The following GNB5 variants were observed in gnomAD, a reference collection of about 807,000 sequenced individuals.
GNB5 encodes guanine nucleotide-binding protein subunit beta-5.
A neutral mutation model predicts 55.3 loss-of-function variants in GNB5; 37 were observed. That is an observed-to-expected ratio of 0.67 (90% confidence interval 0.51 to 0.88). The LOEUF is 0.88. Ranked by LOEUF, GNB5 falls within the 40% of genes least tolerant of loss-of-function variation. GNB5 has a pLI of 0.00. For synonymous variants in GNB5, 219 were observed against 198.5 expected, an observed-to-expected ratio of 1.10 and a Z score of -0.87; for missense variants, 476 against 515.3, an observed-to-expected ratio of 0.92 and a Z score of 0.74.
At chr15:52,128,126 T>C in intron 10 of GNB5, 70 bp downstream of exon 10, 1 of 1,000,588 alleles carries the variant, frequency 1.0e-6, no homozygotes, top group East Asian at 2.4e-5. Context: ...GAAAAATAGT[T>C]ATTTTCTTAA....
intron 3 of GNB5, among the ~76,000 whole-genome samples, chr15:52,160,491 T>C (rs2034309198): frequency 6.6e-6 from 1 of 152,144 alleles, no homozygotes. Context: ...CCATGAAAAC[T>C]AGAGATCATG....
intron 3 of GNB5, among the ~76,000 whole-genome samples, chr15:52,179,092 G>C (rs2034708297): frequency 6.6e-6 from 1 of 152,220 alleles, no homozygotes; most frequent in South Asian, 2.1e-4. Context: ...AATTACGGTG[G>C]TGGTGGTGAA....
In GNB5 at chr15:52,150,978, A is replaced by C. The variant is rs75013547; in HGVS notation, c.376-1053T>G. On this transcript the variant is annotated intron_variant, in intron 4 of 12. Coordinates refer to ENST00000261837, the MANE Select transcript of GNB5 (RefSeq NM_016194.4). The stretch of plus-strand genomic sequence containing the variant: ...GAAAACATCACTTAAGGGCAGAAGC[A>C]AGATCGGATCTGCAGTGACATAGCT... Among the ~76,000 whole-genome samples, 742 of 152,350 alleles carry C rather than the reference A, an allele frequency of 4.9e-3. 16 individuals carry two copies. The highest frequency in any genetic ancestry group is 0.026 in the Admixed American group (393 of 15,308).
intron 7 of GNB5, chr15:52,138,766 C>T (rs1219880224): frequency 1.3e-5 from 2 of 152,186 alleles, no homozygotes; most frequent in East Asian, 1.9e-4. Context: ...GCAACTACCC[C>T]AGTCTTGCTC....
At chr15:52,130,851 G>A (rs28499182) in intron 9 of GNB5, among the ~76,000 whole-genome samples, 31,166 of 152,092 alleles carry the variant, frequency 0.2, 3,681 homozygotes, top group African/African-American at 0.31. Context: ...TTTGAGAAGG[G>A]GTCTCGCTCT....
intron 5 of GNB5, among the ~76,000 whole-genome samples, chr15:52,149,044 C>T (rs951938769): frequency 1.3e-5 from 2 of 152,218 alleles, no homozygotes; most frequent in Non-Finnish European, 2.9e-5. Flanking sequence ...TAGCAAAGCC[C>T]TGTGCAGATT....
intron 8 of GNB5, among the ~76,000 whole-genome samples, chr15:52,134,910 A>G (rs2033664649): frequency 6.6e-6 from 1 of 151,964 alleles, no homozygotes; most frequent in Admixed American, 6.5e-5. Flanking sequence ...AAACTCTTCC[A>G]TCTACTGCTT....
chr15:52,184,880 T>C (rs918810521), intron 1 of GNB5, among the ~76,000 whole-genome samples, 186 bp from the exon 2 acceptor site: 2 of 152,208 alleles, frequency 1.3e-5, no homozygotes, highest in Admixed American at 1.3e-4. Flanking sequence ...ATTTAATCAG[T>C]GAGAAAGCAT....
At position 52,129,106 on chromosome 15, in the gene GNB5, C is replaced by T. The variant is rs957885195; in HGVS notation, c.864-862G>A. 9.2e-5 allele frequency among the ~76,000 whole-genome samples: 14 copies of T among 152,112 alleles called. No individual in the cohort carries two copies. In the South Asian group the frequency reaches 2.5e-3, roughly 27 times the overall value. On this transcript the variant is annotated intron_variant, in intron 9 of 12. Coordinates refer to ENST00000261837, the MANE Select transcript of GNB5 (RefSeq NM_016194.4). Reference sequence around the variant, plus strand: ...AAGTAGCTGGGATTACAGGTGTATGCCACTATGCCTGGCTAATTTTTGTAT... The same window carrying T: ...AAGTAGCTGGGATTACAGGTGTATGTCACTATGCCTGGCTAATTTTTGTAT...
chr15:52,175,750 A>AAACC (rs1014448227), intron 3 of GNB5, among the ~76,000 whole-genome samples: 1 of 149,882 alleles, frequency 6.7e-6, no homozygotes, highest in African/African-American at 2.5e-5. Context: ...AAAAACAAAC[A>AAACC]AACAAACAAA....
rs372808197 is a variant in GNB5 at position 52,179,824 on chromosome 15, G to C, written c.182C>G (p.Ala61Gly). ...NETLASLKSE[A>G]ESLKGKLEEE... ...CTCCAGCTTGCCCTTGAGGCTCTCGGCCTCGCTCTTCAGCGACGCCAGCGT... is the reference window on the plus strand; with the variant it reads ...CTCCAGCTTGCCCTTGAGGCTCTCGCCCTCGCTCTTCAGCGACGCCAGCGT... Residue 61 changes from alanine to glycine, a missense_variant, in exon 3 of 13, where the codon GCC (alanine) becomes GGC (glycine). Physicochemically the swap from Ala to Gly is moderately conservative, Grantham distance 60. Transcript: ENST00000261837. 8 of 1,554,666 alleles carry C rather than the reference G, an allele frequency of 5.1e-6. No individual in the cohort carries two copies. The highest frequency in any genetic ancestry group is 6.9e-6 in the Non-Finnish European group (8 of 1,151,836).
intron 2 of GNB5, 104 bp from the exon 3 acceptor site, chr15:52,179,983 C>A (rs1596110077): frequency 1.5e-6 from 2 of 1,294,500 alleles, no homozygotes; most frequent in Non-Finnish European, 2.0e-6. Context: ...CACCGCCCCG[C>A]GGCCCCGCCC....
In GNB5 at chr15:52,128,262, T is replaced by C. The variant is rs1204051790; in HGVS notation, c.864-18A>G. ...GGTAGTACCTGCAGAGAGAAAGTAC[T>C]TTATCTACGGTTGTGACTCCTGACC... On this transcript the variant is annotated intron_variant, in intron 9 of 12. Coordinates refer to ENST00000261837, the MANE Select transcript of GNB5 (RefSeq NM_016194.4). 23 of 1,579,164 alleles carry C rather than the reference T, an allele frequency of 1.5e-5. No individual in the cohort carries two copies. Among genetic ancestry groups the C allele is most frequent in the Non-Finnish European group, 2.0e-5 (23 of 1,148,176 alleles).
At chr15:52,138,262 T>C (rs767966362) in intron 7 of GNB5, among the ~76,000 whole-genome samples, 2 of 151,852 alleles carry the variant, frequency 1.3e-5, no homozygotes, top group Non-Finnish European at 2.9e-5. Flanking sequence ...TCACGCCTGT[T>C]GTCCCAGCTA....
chr15:52,131,421 T>A (rs2033571418), intron 9 of GNB5, among the ~76,000 whole-genome samples: 1 of 152,166 alleles, frequency 6.6e-6, no homozygotes. Flanking sequence ...TTATTTATTT[T>A]TATAACTTCA....
Position 52,118,565 on chromosome 15 carries a change from C to T in GNB5, c.*4192G>A, listed in dbSNP as rs545311670. 2 of 152,018 alleles carry T rather than the reference C, an allele frequency of 1.3e-5. No individual in the cohort carries two copies. Among genetic ancestry groups the T allele is most frequent in the South Asian group, 2.1e-4 (1 of 4,812 alleles). The allele number at this position is 152,018 out of a possible 1,614,324, so 9.4% of individuals were successfully genotyped here. On this transcript the variant is annotated 3_prime_UTR_variant, in exon 13 of 13. Coordinates refer to ENST00000261837, the MANE Select transcript of GNB5 (RefSeq NM_016194.4). ...CACAATGAGCAAGTTATTTGGGGTCCTCAATAACTTTTAAGGGTGTAGGCT... is the reference window on the plus strand; with the variant it reads ...CACAATGAGCAAGTTATTTGGGGTCTTCAATAACTTTTAAGGGTGTAGGCT...
chr15:52,175,179 G>C (rs892659861), intron 3 of GNB5, among the ~76,000 whole-genome samples: 3 of 152,152 alleles, frequency 2.0e-5, no homozygotes, highest in South Asian at 4.2e-4. Context: ...CTAGGGCAGA[G>C]GCTACTGGGC....
chr15:52,140,587 A>G (rs2033829557), intron 7 of GNB5, among the ~76,000 whole-genome samples: 1 of 152,240 alleles, frequency 6.6e-6, no homozygotes, highest in African/African-American at 2.4e-5. Context: ...GGTACTGAGA[A>G]GGTTTGCTGA....
rs547014456 is a variant in GNB5 at position 52,121,740 on chromosome 15, A to G, written c.*1017T>C. 4 of 151,934 alleles carry G rather than the reference A, an allele frequency of 2.6e-5. No homozygotes were observed. In the South Asian group the frequency reaches 8.3e-4, roughly 32 times the overall value. The allele number at this position is 151,934 out of a possible 1,614,324, so 9.4% of individuals were successfully genotyped here. A position where few individuals can be genotyped will look rare whatever the true frequency, so the allele number is the denominator to read the frequency against. On this transcript the variant is annotated 3_prime_UTR_variant, in exon 13 of 13. Transcript: ENST00000261837. Reference sequence around the variant, plus strand: ...GCCTCAGCCTCTCCGAGTAGCTGGGACTACAGGCGCCCGCCACCACGCCCG... The same window carrying G: ...GCCTCAGCCTCTCCGAGTAGCTGGGGCTACAGGCGCCCGCCACCACGCCCG...
Sources: gnomAD v4.1 joint callset for allele counts (sites outside exome capture counted in the v4.1 genomes callset) on GRCh38, gnomAD v4.1.1 for gene constraint, MANE v1.5 for transcripts, NCBI Gene and HGNC (gene_info 2026-07-23, HGNC 2026-07-21) for gene names.